Variants in ADNP observed in about 807,000 individuals in gnomAD.
The protein encoded by ADNP is activity dependent neuroprotector homeobox, also known as activity-dependent neuroprotector homeobox protein.
A neutral mutation model predicts 84.9 loss-of-function variants in ADNP; 4 were observed. The ratio of observed to expected loss-of-function variants is 0.05; its 90% CI spans 0.02 to 0.11. The LOEUF (loss-of-function observed/expected upper bound fraction) is 0.11, where lower values mean the gene tolerates loss of function less well. Ranked by LOEUF, ADNP falls within the 10% of genes least tolerant of loss-of-function variation. ADNP has a pLI of 1.00. For missense variants in ADNP, 1,132 were observed against 1,326.0 expected (o/e 0.85, Z 2.27); for synonymous variants, 554 against 468.1 (o/e 1.18, Z -2.37).
chr20:50,902,180 TCA>T, intron 4 of ADNP, 71 bp from the exon 5 acceptor site: 1 of 1,167,152 alleles, frequency 8.6e-7, no homozygotes, highest in Non-Finnish European at 1.3e-6. Context: ...CATGTAAATC[TCA>T]CCTCTTAACT....
In ADNP at chr20:50,892,577, C is replaced by T; in HGVS notation, c.2137G>A (p.Ala713Thr). ...PSRLNQSPSL[A>T]PVKRTYEQME... ...TGCTCGTAAGTGCGCTTCACAGGTGCCAGACTTGGAGACTGATTAAGCCGA... is the reference window on the plus strand; with the variant it reads ...TGCTCGTAAGTGCGCTTCACAGGTGTCAGACTTGGAGACTGATTAAGCCGA... The change falls in exon 6 of 6, where the codon GCA (alanine) becomes ACA (threonine). Residue 713 changes from alanine to threonine, a missense_variant. Coordinates refer to ENST00000621696, the MANE Select transcript of ADNP (RefSeq NM_001282531.3). The T allele has an allele frequency of 6.2e-7, 1 of 1,614,194 alleles. No individual in the cohort carries two copies. Among genetic ancestry groups the T allele is most frequent in the South Asian group, 1.1e-5 (1 of 91,084 alleles).
Position 50,891,307 on chromosome 20 carries a change from A to G in ADNP, c.*98T>C, listed in dbSNP as rs1980675519. 6.9e-7 allele frequency: 1 copy of G among 1,448,612 alleles called. No individual in the cohort carries two copies. Among genetic ancestry groups the G allele is most frequent in the East Asian group, 2.5e-5 (1 of 40,352 alleles). 89.7% of individuals were successfully genotyped at this position (1,448,612 alleles called of 1,614,324 possible). A position where few individuals can be genotyped will look rare whatever the true frequency, so the allele number is the denominator to read the frequency against. ...CCACATGCCCCACAGTCCAACCAGT[A>G]CTCACAAGGCAGTACCAGTGAGAAG... is the stretch of plus-strand genomic sequence containing the variant. On this transcript the variant is annotated 3_prime_UTR_variant, in exon 6 of 6. Coordinates refer to ENST00000621696, the MANE Select transcript of ADNP (RefSeq NM_001282531.3).
At chr20:50,920,587 TAAGTAA>T (rs1409402569) in intron 2 of ADNP, among the ~76,000 whole-genome samples, 2 of 144,870 alleles carry the variant, frequency 1.4e-5, no homozygotes, top group Admixed American at 6.8e-5. Context: ...GGAAGTCAAT[TAAGTAA>T]AAGAGTAGAT....
chr20:50,901,095 C>T (rs1387414141), intron 5 of ADNP, among the ~76,000 whole-genome samples: 2 of 152,068 alleles, frequency 1.3e-5, no homozygotes, highest in African/African-American at 4.8e-5. Context: ...GGCAGGTGAA[C>T]TGACATGCTT....
chr20:50,893,897 G>C lies in ADNP; in HGVS notation c.817C>G (p.Pro273Ala), dbSNP rs1981103660. Residue 273 changes from proline (P) to alanine (A), a missense_variant, in exon 6 of 6, where the codon CCC (proline) becomes GCC (alanine). Pro to Ala is a conservative substitution (Grantham distance 27). This residue lies in a region of ADNP where 239 missense variants were observed against 213.2 expected (regional missense o/e 1.12). Transcript: ENST00000621696. This position sits in a 1 kb window ranked among gnomAD's most constrained non-coding sequence, Gnocchi z 4.4. ...PRSKPLMLIA[P>A]KPQDKKSMGL... is the part of the protein sequence containing the mutation. ...ATGCTCTTCTTGTCTTGAGGTTTGG[G>C]AGCAATTAGCATCAAGGGTTTGGAT... 6.2e-7 allele frequency: 1 copy of C among 1,614,134 alleles called. No individual in the cohort carries two copies.
intron 2 of ADNP, among the ~76,000 whole-genome samples, chr20:50,927,125 C>A (rs1984342053): frequency 6.6e-6 from 1 of 152,056 alleles, no homozygotes; most frequent in Non-Finnish European, 1.5e-5. Context: ...GTACCAAAAC[C>A]ATCTGTTCAA....
rs759551042 is a variant in ADNP at position 50,895,158 on chromosome 20, T to C, written c.202-646A>G. 3.9e-5 allele frequency among the ~76,000 whole-genome samples: 6 copies of C among 152,368 alleles called. No homozygotes were observed. The South Asian group carries it at 8.3e-4, about 21-fold the overall frequency. ...GTTACTAAAGACTTCAGGTTTACTATACAGTCATGTGTTGCTAAACCACAG... is the reference window on the plus strand; with the variant it reads ...GTTACTAAAGACTTCAGGTTTACTACACAGTCATGTGTTGCTAAACCACAG... On this transcript the variant is annotated intron_variant, in intron 5 of 5. Transcript: ENST00000621696.
intron 4 of ADNP, among the ~76,000 whole-genome samples, chr20:50,903,642 G>T (rs761438125): frequency 6.6e-6 from 1 of 152,148 alleles, no homozygotes; most frequent in African/African-American, 2.4e-5. Context: ...ACAACTTTAC[G>T]GCACCTAGTT....
chr20:50,903,146 C>A (rs1344834503), intron 4 of ADNP, among the ~76,000 whole-genome samples: 1 of 152,120 alleles, frequency 6.6e-6, no homozygotes. Flanking sequence ...TGTTCCCTAG[C>A]CACCTAGAAC....
chr20:50,901,999 G>T lies in ADNP; in HGVS notation c.201+18C>A, dbSNP rs762781849. On this transcript the variant is annotated intron_variant, in intron 5 of 5. Coordinates refer to ENST00000621696, the MANE Select transcript of ADNP (RefSeq NM_001282531.3). ...ACCAAGCATGCTGCCATCTGAGGAA[G>T]TCTCCTGTGCCACTTACCTGGTTTT... 3 of 1,575,826 alleles carry T rather than the reference G, an allele frequency of 1.9e-6. No homozygotes were observed. The highest frequency in any genetic ancestry group is 4.5e-5 in the East Asian group (2 of 44,688).
In ADNP at chr20:50,903,875, G is replaced by T. The variant is rs756805950; in HGVS notation, c.108+14C>A. On this transcript the variant is annotated intron_variant, in intron 4 of 5. Transcript: ENST00000621696. The stretch of plus-strand genomic sequence containing the variant: ...CTGAGTCATGTTAAAATTTAAAAAT[G>T]ACATGCTACTTACTTCTATATGTTC... 2 of 1,579,424 alleles carry T rather than the reference G, an allele frequency of 1.3e-6. No individual in the cohort carries two copies. The highest frequency in any genetic ancestry group is 1.7e-6 in the Non-Finnish European group (2 of 1,152,924).
At chr20:50,914,224 A>G in intron 2 of ADNP, 1 of 755,030 alleles carries the variant, frequency 1.3e-6, no homozygotes, top group South Asian at 1.6e-5. Context: ...ATCCACAATC[A>G]TCCAAGACAC....
chr20:50,929,733 T>C (rs2123027528), intron 1 of ADNP, among the ~76,000 whole-genome samples: 1 of 151,964 alleles, frequency 6.6e-6, no homozygotes, highest in African/African-American at 2.4e-5. Context: ...TTTTTTTTCA[T>C]TCTGAAGGTT....
chr20:50,890,131 TAAAAAAAAAAAAAA>T lies in ADNP; in HGVS notation c.*1260_*1273del, dbSNP rs150489825. ...AACTCAAGGGTGTTTGTTTTTCAGT[TAAAAAAAAAAAAAA>T]AAAAAAAAAAAAAAAAGAAAAACAG... is the stretch of plus-strand genomic sequence containing the variant. On this transcript the variant is annotated 3_prime_UTR_variant, in exon 6 of 6. Coordinates refer to ENST00000621696, the MANE Select transcript of ADNP (RefSeq NM_001282531.3). The T allele has an allele frequency of 1.1e-3, 91 of 81,214 alleles. No individual in the cohort carries two copies. The highest frequency in any genetic ancestry group is 1.8e-3 in the Non-Finnish European group (71 of 40,172). 5.0% of individuals were successfully genotyped at this position (81,214 alleles called of 1,614,324 possible). A position where few individuals can be genotyped will look rare whatever the true frequency, so the allele number is the denominator to read the frequency against.
intron 2 of ADNP, among the ~76,000 whole-genome samples, chr20:50,907,445 T>C (rs963585740): frequency 6.6e-6 from 1 of 151,960 alleles, no homozygotes; most frequent in African/African-American, 2.4e-5. Flanking sequence ...TTTTGTATTT[T>C]TAATAGAGAC....
rs991619803 is a variant in ADNP at position 50,889,612 on chromosome 20, G to A, written c.*1793C>T. 3.4e-5 allele frequency: 12 copies of A among 351,748 alleles called. No individual in the cohort carries two copies. The highest frequency in any genetic ancestry group is 5.6e-5 in the Non-Finnish European group (11 of 197,136). 21.8% of individuals were successfully genotyped at this position (351,748 alleles called of 1,614,324 possible). A position where few individuals can be genotyped will look rare whatever the true frequency, so the allele number is the denominator to read the frequency against. On this transcript the variant is annotated 3_prime_UTR_variant, in exon 6 of 6. Transcript: ENST00000621696. Reference sequence around the variant, plus strand: ...AACAAGAGTCTTTCTTTTGGAAACAGACTCAGAAGTTATGGACATCAGCCA... The same window carrying A: ...AACAAGAGTCTTTCTTTTGGAAACAAACTCAGAAGTTATGGACATCAGCCA...
At position 50,894,090 on chromosome 20, in the gene ADNP, T is replaced by G; in HGVS notation, c.624A>C (p.Ala208=). 1 of 1,614,168 alleles carries G rather than the reference T, an allele frequency of 6.2e-7. No individual in the cohort carries two copies. The highest frequency in any genetic ancestry group is 8.5e-7 in the Non-Finnish European group (1 of 1,180,008). Residue 208 remains alanine (A), a synonymous_variant, in exon 6 of 6, where the codon GCA becomes GCC. Transcript: ENST00000621696. ...AKAGEKSLNG[A]VPLGSNAREE... is the part of the protein sequence containing the mutation. Reference sequence around the variant, plus strand: ...CTCGGGCATTCGAGCCTAAGGGGACTGCCCCATTGAGTGATTTTTCTCCTG... The same window carrying G: ...CTCGGGCATTCGAGCCTAAGGGGACGGCCCCATTGAGTGATTTTTCTCCTG...
intron 2 of ADNP, among the ~76,000 whole-genome samples, chr20:50,908,303 T>C (rs571039993): frequency 9.7e-4 from 148 of 152,318 alleles, no homozygotes; most frequent in African/African-American, 3.5e-3. Context: ...CCCTTTCTTG[T>C]GAGTGTTTTG....
intron 5 of ADNP, among the ~76,000 whole-genome samples, chr20:50,895,588 C>T (rs1981299146): frequency 6.6e-6 from 1 of 152,226 alleles, no homozygotes; most frequent in East Asian, 1.9e-4. Flanking sequence ...CACTTTGTTG[C>T]TCAGGCTGGA....
Sources: gnomAD v4.1 joint callset for allele counts (sites outside exome capture counted in the v4.1 genomes callset) on GRCh38, gnomAD v4.1.1 for gene constraint, gnomAD v4.1.1 regional missense constraint, Gnocchi (gnomAD v3.1) non-coding constraint, MANE v1.5 for transcripts, NCBI Gene and HGNC (gene_info 2026-07-23, HGNC 2026-07-21) for gene names.